Variants in BOD1L1 observed in about 807,000 individuals in gnomAD.
BOD1L1 encodes biorientation of chromosomes in cell division protein 1-like 1.
Under a neutral mutation model 240.7 loss-of-function variants are expected in BOD1L1, and 86 were observed. The ratio of observed to expected loss-of-function variants is 0.36; its 90% confidence interval spans 0.30 to 0.43. The LOEUF is 0.43. BOD1L1 is among the 20% of genes least tolerant of loss of function. The pLI, the probability that BOD1L1 is intolerant of heterozygous loss-of-function variation, is 1.00. For synonymous variants in BOD1L1, 1,268 were observed against 1,272.3 expected (o/e 1.00, Z 0.07); for missense variants, 3,554 against 3,643.5 (o/e 0.98, Z 0.63).
At position 13,577,692 on chromosome 4, in the gene BOD1L1, A is replaced by G. The variant is rs1712879345; in HGVS notation, c.8750-61T>C. ...ATTACTGTAAATTTAAATTTCAACA[A>G]TCAGCCTGGCTTGTCTGTCAATGTA... On this transcript the variant is annotated intron_variant, in intron 22 of 25. Transcript: ENST00000040738. The G allele has an allele frequency of 3.1e-6, 4 of 1,279,924 alleles. No homozygotes were observed. The Admixed American group carries it at 8.5e-5, about 27-fold the overall frequency. 79.3% of individuals were successfully genotyped at this position (1,279,924 alleles called of 1,614,324 possible). A position where few individuals can be genotyped will look rare whatever the true frequency, so the allele number is the denominator to read the frequency against.
intron 1 of BOD1L1, among the ~76,000 whole-genome samples, chr4:13,626,934 A>G (rs1717439638): frequency 6.6e-6 from 1 of 152,210 alleles, no homozygotes; most frequent in Non-Finnish European, 1.5e-5. Context: ...ACTTGATTCA[A>G]TTACCATTTA....
Position 13,586,489 on chromosome 4 carries a change from T to TAGA in BOD1L1, c.8354-17_8354-15dup. On this transcript the variant is annotated splice_polypyrimidine_tract_variant and intron_variant, in intron 16 of 25. Transcript: ENST00000040738. ...CTGGATTATCATCTGTAAATCAGTT[T>TAGA]AGACAGAATCACAAAGGAACAAAAG... is the stretch of plus-strand genomic sequence containing the variant. 6.4e-7 allele frequency: 1 copy of TAGA among 1,558,398 alleles called. No homozygotes were observed. Among genetic ancestry groups the TAGA allele is most frequent in the Non-Finnish European group, 8.8e-7 (1 of 1,135,462 alleles).
In BOD1L1 at chr4:13,600,291, A is replaced by T; in HGVS notation, c.6609T>A (p.Ser2203Arg). ...PMPSAPPEAE[S>R]PLASTSKEEK... ...CCTCCTTGCTGGTTGAGGCAAGAGG[A>T]CTTTCAGCTTCTGGGGGCGCACTGG... The change falls in exon 10 of 26, where the codon AGT becomes AGA. Residue 2203 changes from serine to arginine, a missense_variant. By Grantham distance (110) the Ser-to-Arg change is moderately radical. Around this residue, in one of 2 missense-constraint regions of BOD1L1, gnomAD observed 3,393 missense variants for 3,427.1 expected, o/e 0.99. Transcript: ENST00000040738. 5.6e-6 allele frequency: 9 copies of T among 1,613,992 alleles called. No homozygotes were observed. The highest frequency in any genetic ancestry group is 4.2e-6 in the Non-Finnish European group (5 of 1,179,886).
chr4:13,604,226 C>A lies in BOD1L1; in HGVS notation c.2674G>T (p.Val892Phe). ...NMDSNLKPEE[V>F]VHKEKRRTKS... ...GTTCGTCGTTTCTCCTTGTGAACAA[C>A]CTCTTCTGGTTTCAAATTACTATCC... The change falls in exon 10 of 26, where the codon GTT (valine) becomes TTT (phenylalanine). Residue 892 changes from valine to phenylalanine, a missense_variant. Around this residue, in one of 2 missense-constraint regions of BOD1L1, gnomAD observed 3,393 missense variants for 3,427.1 expected, o/e 0.99. Transcript: ENST00000040738. The A allele has an allele frequency of 6.2e-7, 1 of 1,613,740 alleles. No individual in the cohort carries two copies. Among genetic ancestry groups the A allele is most frequent in the Non-Finnish European group, 8.5e-7 (1 of 1,179,832 alleles).
intron 6 of BOD1L1, among the ~76,000 whole-genome samples, 178 bp from the exon 7 acceptor site, chr4:13,609,584 A>G (rs1046910486): frequency 6.6e-6 from 1 of 152,158 alleles, no homozygotes. Flanking sequence ...GTATACATAC[A>G]TATGTATGTG....
rs768708119 is a variant in BOD1L1, at chr4:13,620,075, G to GA, written c.244-9dup. The GA allele has an allele frequency of 4.5e-6, 7 of 1,548,088 alleles. No individual in the cohort carries two copies. Among genetic ancestry groups the GA allele is most frequent in the Admixed American group, 3.7e-5 (2 of 53,728 alleles). On this transcript the variant is annotated splice_polypyrimidine_tract_variant and intron_variant, in intron 1 of 25. Transcript: ENST00000040738. ...CAGATTCTGATACGCAGGCTAGAGA[G>GA]AAAAAAACGAAGGTAAGTCTTCAAG...
intron 21 of BOD1L1, among the ~76,000 whole-genome samples, chr4:13,580,543 T>C (rs1018600452): frequency 2.0e-5 from 3 of 152,218 alleles, no homozygotes; most frequent in African/African-American, 7.2e-5. Context: ...GATGGAATCC[T>C]GATACAATGA....
At chr4:13,588,415 A>G (rs1259697884) in intron 15 of BOD1L1, among the ~76,000 whole-genome samples, 2 of 152,204 alleles carry the variant, frequency 1.3e-5, no homozygotes, top group African/African-American at 4.8e-5. Flanking sequence ...AACTGATGGC[A>G]CATCACAATT....
intron 19 of BOD1L1, 65 bp from the exon 20 acceptor site, chr4:13,581,272 G>GT: frequency 8.5e-7 from 1 of 1,176,438 alleles, no homozygotes; most frequent in Non-Finnish European, 1.2e-6. Context: ...ATTATATAAA[G>GT]TTTTCTCAAA....
chr4:13,620,167 T>C, intron 1 of BOD1L1, 100 bp from the exon 2 acceptor site: 1 of 1,240,730 alleles, frequency 8.1e-7, no homozygotes, highest in South Asian at 1.7e-5. Context: ...AGTTTCACAG[T>C]TTCTGACAAT....
intron 25 of BOD1L1, chr4:13,572,735 C>A: frequency 7.8e-7 from 1 of 1,289,788 alleles, no homozygotes; most frequent in South Asian, 1.2e-5. Context: ...AACTTTTTCG[C>A]TGGTAGGTAA....
rs1162500888 is a variant in BOD1L1 at position 13,570,412 on chromosome 4, T to C, written c.9039-284A>G. Among the ~76,000 whole-genome samples the C allele has an allele frequency of 5.9e-5, 9 of 152,174 alleles. No homozygotes were observed. The East Asian group carries it at 1.7e-3, about 29-fold the overall frequency. On this transcript the variant is annotated intron_variant, in intron 25 of 25. Coordinates refer to ENST00000040738, the MANE Select transcript of BOD1L1 (RefSeq NM_148894.3). ...AGGTGCTGATGGTGCTCAAATCCACTTCCTTCTCTGGGCCCTAGTTCTTTC... is the reference window on the plus strand; with the variant it reads ...AGGTGCTGATGGTGCTCAAATCCACCTCCTTCTCTGGGCCCTAGTTCTTTC...
At chr4:13,607,035 A>T in intron 9 of BOD1L1, 82 bp downstream of exon 9, 2 of 955,136 alleles carry the variant, frequency 2.1e-6, no homozygotes, top group Non-Finnish European at 3.0e-6. Flanking sequence ...AAGTCAAATT[A>T]CATTCTAAGT....
At chr4:13,614,920 A>G in intron 3 of BOD1L1, 110 bp from the exon 4 acceptor site, 1 of 1,158,806 alleles carries the variant, frequency 8.6e-7, no homozygotes, top group Non-Finnish European at 1.2e-6. Flanking sequence ...TGCTGTGCAG[A>G]CCATCTGTAT....
chr4:13,600,637 A>G lies in BOD1L1; in HGVS notation c.6263T>C (p.Ile2088Thr). The change falls in exon 10 of 26, where the codon ATT becomes ACT. Residue 2088 changes from isoleucine to threonine, a missense_variant. Physicochemically the swap from Ile to Thr is moderately conservative, Grantham distance 89 (BLOSUM62 -1). Coordinates refer to ENST00000040738, the MANE Select transcript of BOD1L1 (RefSeq NM_148894.3). ...TNDYTPQVSA[I>T]TDVEGGLSDA... ...TGAGAGACCTCCTTCCACATCTGTA[A>G]TTGCGCTTACCTGAGGGGTGTAATC... 1 of 1,613,828 alleles carries G rather than the reference A, an allele frequency of 6.2e-7. No homozygotes were observed. Among genetic ancestry groups the G allele is most frequent in the Non-Finnish European group, 8.5e-7 (1 of 1,179,838 alleles).
chr4:13,603,035 C>T lies in BOD1L1; in HGVS notation c.3865G>A (p.Val1289Ile), dbSNP rs755304438. 39 of 1,613,994 alleles carry T rather than the reference C, an allele frequency of 2.4e-5. No individual in the cohort carries two copies. Among genetic ancestry groups the T allele is most frequent in the Non-Finnish European group, 3.3e-5 (39 of 1,179,862 alleles). Reference sequence around the variant, plus strand: ...TCATACGATTCCCTCAGAGGCACAACAGTCACTGAACTTAAGGATGGTGAG... The same window carrying T: ...TCATACGATTCCCTCAGAGGCACAATAGTCACTGAACTTAAGGATGGTGAG... ...DSSPSLSSVT[V>I]VPLRESYDPD... The change falls in exon 10 of 26, where the codon GTT becomes ATT. Residue 1289 changes from valine to isoleucine, a missense_variant. This residue lies in a region of BOD1L1 where 3,393 missense variants were observed against 3,427.1 expected (regional missense o/e 0.99). Transcript: ENST00000040738.
chr4:13,607,777 G>A lies in BOD1L1; in HGVS notation c.1743-588C>T, dbSNP rs55702612. On this transcript the variant is annotated intron_variant, in intron 8 of 25. Coordinates refer to ENST00000040738, the MANE Select transcript of BOD1L1 (RefSeq NM_148894.3). ...CCTAATTTGTTGCTTAAAGATGAAT[G>A]CTTTATGGGCTATAATTACACTTCA... 9.0e-3 allele frequency among the ~76,000 whole-genome samples: 1,368 copies of A among 152,252 alleles called. 12 individuals carry two copies. The highest frequency in any genetic ancestry group is 0.014 in the Non-Finnish European group (980 of 68,012).
chr4:13,598,946 C>A lies in BOD1L1; in HGVS notation c.7954G>T (p.Gly2652Cys). 1.3e-6 allele frequency: 2 copies of A among 1,599,206 alleles called. No homozygotes were observed. Among genetic ancestry groups the A allele is most frequent in the South Asian group, 1.1e-5 (1 of 89,236 alleles). Residue 2652 changes from glycine to cysteine, a missense_variant and splice_region_variant, in exon 10 of 26, where the codon GGC becomes TGC. This residue lies in a region of BOD1L1 where 3,393 missense variants were observed against 3,427.1 expected (regional missense o/e 0.99). Coordinates refer to ENST00000040738, the MANE Select transcript of BOD1L1 (RefSeq NM_148894.3). Reference protein sequence around the residue: ...VSSEENVCDIGNEESPLNVLG... With the variant: ...VSSEENVCDICNEESPLNVLG... ...TTTGCAATTAGGTACAGATTCTCAC[C>A]TATGTCACACACATTTTCTTCAGAA...
rs534014045 is a variant in BOD1L1 at position 13,599,090 on chromosome 4, T to C, written c.7810A>G (p.Thr2604Ala). 3.1e-6 allele frequency: 5 copies of C among 1,614,032 alleles called. No homozygotes were observed. The South Asian group carries it at 4.4e-5, about 14-fold the overall frequency. ...TTGCCACTATAATCATTCTTTATAG[T>C]CAAGTCCTGCTCACATTTAGGAGCC... ...LLAPKCEQDL[T>A]IKNDYSGKWT... Residue 2604 changes from threonine (T) to alanine (A), a missense_variant, in exon 10 of 26, where the codon ACT (threonine) becomes GCT (alanine). This residue lies in a region of BOD1L1 where 3,393 missense variants were observed against 3,427.1 expected (regional missense o/e 0.99). Transcript: ENST00000040738.
Sources: gnomAD v4.1 joint callset for allele counts (sites outside exome capture counted in the v4.1 genomes callset) on GRCh38, gnomAD v4.1.1 for gene constraint, gnomAD v4.1.1 regional missense constraint, MANE v1.5 for transcripts, NCBI Gene and HGNC (gene_info 2026-07-23, HGNC 2026-07-21) for gene names.